The following HRNR variants were observed in gnomAD, a reference collection of about 807,000 sequenced individuals.
The protein encoded by HRNR is filaggrin family member 3.
HRNR carries 7 observed loss-of-function variants against 4.8 expected under a neutral mutation model. The ratio of observed to expected loss-of-function variants is 1.47; its 90% CI spans 0.83 to 2.75. The LOEUF is 2.75. Among genes scored for constraint, HRNR ranks in the 30% most tolerant of loss-of-function variants. The pLI is 0.00. For missense variants in HRNR, 2,879 were observed against 3,010.4 expected (o/e 0.96, Z 1.02); for synonymous variants, 1,023 against 1,242.7 (o/e 0.82, Z 3.72).
In HRNR at chr1:152,213,005, A is replaced by ATGATGGATTGCTTGTCTTTCT; in HGVS notation, c.*70_*71insAGAAAGACAAGCAATCCATCA. ...TTTCATGATGGATTGCTTGTCTTTC[A>ATGATGGATTGCTTGTCTTTCT]TGATGAATTCATAGATGACTTTCCT... is the stretch of plus-strand genomic sequence containing the variant. On this transcript the variant is annotated 3_prime_UTR_variant, in exon 3 of 3. Coordinates refer to ENST00000368801, the MANE Select transcript of HRNR (RefSeq NM_001009931.3). The ATGATGGATTGCTTGTCTTTCT allele has an allele frequency of 6.5e-7, 1 of 1,539,330 alleles. No homozygotes were observed.
chr1:152,219,893 C>T lies in HRNR; in HGVS notation c.1736G>A (p.Gly579Asp), dbSNP rs1258587513. 1.9e-6 allele frequency: 3 copies of T among 1,613,810 alleles called. No individual in the cohort carries two copies. The East Asian group carries it at 6.7e-5, about 36-fold the overall frequency. The change falls in exon 3 of 3, where the codon GGT (glycine) becomes GAT (aspartate). Residue 579 changes from glycine to aspartate, a missense_variant. Around this residue, in one of 8 missense-constraint regions of HRNR, gnomAD observed 2,646 missense variants for 1,377.7 expected, o/e 1.92. Transcript: ENST00000368801. ...TTGGTGACCTAAGCCAGAAGAGTGA[C>T]CGGAGCCAGACTCATATGGGCCACG... The part of the protein sequence containing the change: ...SSRGPYESGS[G>D]HSSGLGHQES...
Position 152,213,248 on chromosome 1 carries a change from T to C in HRNR, c.8381A>G (p.Gln2794Arg), listed in dbSNP as rs1480793761. 1.2e-6 allele frequency: 2 copies of C among 1,606,650 alleles called. No individual in the cohort carries two copies. The highest frequency in any genetic ancestry group is 1.1e-5 in the South Asian group (1 of 90,874). ...SYGQHGSGSGQSSGYSQHGSG... is the reference protein window; with the variant it reads ...SYGQHGSGSGRSSGYSQHGSG... ...TCCATGCTGACTATAACCAGAGGAC[T>C]GTCCTGAGCCAGACCCATGTTGGCC... The change falls in exon 3 of 3, where the codon CAG (glutamine) becomes CGG (arginine). Residue 2794 changes from glutamine (Q) to arginine (R), a missense_variant. Transcript: ENST00000368801.
chr1:152,223,890 C>T (rs1649083645), intron 1 of HRNR, among the ~76,000 whole-genome samples: 1 of 152,212 alleles, frequency 6.6e-6, no homozygotes, highest in South Asian at 2.1e-4. Flanking sequence ...AAGAAGGCAA[C>T]CTGCCTGTGG....
chr1:152,218,944 C>G lies in HRNR; in HGVS notation c.2685G>C (p.Gln895His), dbSNP rs777120775. The stretch of plus-strand genomic sequence containing the variant: ...GAGACTGCCCTGACCCAGACCCACG[C>G]TGGCCGTGGCCTGGAGACTGGCCAG... ...SGSGQSPGHG[Q>H]RGSGSGQSPS... The change falls in exon 3 of 3, where the codon CAG becomes CAC. Residue 895 changes from glutamine (Q) to histidine (H), a missense_variant. Gln to His is a conservative substitution (Grantham distance 24). Around this residue, in one of 8 missense-constraint regions of HRNR, gnomAD observed 2,646 missense variants for 1,377.7 expected, o/e 1.92. Transcript: ENST00000368801. 1.9e-5 allele frequency: 31 copies of G among 1,613,020 alleles called. No homozygotes were observed. The highest frequency in any genetic ancestry group is 2.6e-5 in the Non-Finnish European group (31 of 1,179,736).
rs144896382 is a variant in HRNR at position 152,213,251 on chromosome 1, C to T, written c.8378G>A (p.Gly2793Glu). The T allele has an allele frequency of 5.0e-6, 8 of 1,606,444 alleles. No homozygotes were observed. The highest frequency in any genetic ancestry group is 1.3e-5 in the African/African-American group (1 of 74,454). Residue 2793 changes from glycine (G) to glutamate (E), a missense_variant, in exon 3 of 3, where the codon GGA (glycine) becomes GAA (glutamate). By Grantham distance (98) the Gly-to-Glu change is moderately conservative. This residue lies in a region of HRNR where 158 missense variants were observed against 107.6 expected (regional missense o/e 1.47). Transcript: ENST00000368801. Reference protein sequence around the residue: ...SSYGQHGSGSGQSSGYSQHGS... With the variant: ...SSYGQHGSGSEQSSGYSQHGS... ...ATGCTGACTATAACCAGAGGACTGT[C>T]CTGAGCCAGACCCATGTTGGCCGTA...
Position 152,221,297 on chromosome 1 carries a change from T to C in HRNR, c.332A>G (p.Glu111Gly). The stretch of plus-strand genomic sequence containing the variant: ...CTCCTCTTTTTCAGTTTCTTCTTGT[T>C]CCTCTTGGTGCTGGTGAGTGTCATC... Reference protein sequence around the residue: ...LRDDTHQHQEEQEETEKEENK... With the variant: ...LRDDTHQHQEGQEETEKEENK... The change falls in exon 3 of 3, where the codon GAA becomes GGA. Residue 111 changes from glutamate (E) to glycine (G), a missense_variant. Coordinates refer to ENST00000368801, the MANE Select transcript of HRNR (RefSeq NM_001009931.3). The C allele has an allele frequency of 5.0e-6, 8 of 1,614,010 alleles. No homozygotes were observed. Among genetic ancestry groups the C allele is most frequent in the Non-Finnish European group, 6.8e-6 (8 of 1,180,024 alleles).
At position 152,213,201 on chromosome 1, in the gene HRNR, A is replaced by T; in HGVS notation, c.8428T>A (p.Tyr2810Asn). 6.2e-7 allele frequency: 1 copy of T among 1,614,128 alleles called. No homozygotes were observed. ...TTACTTCCTCCTTTGCAATAAGAAT[A>T]CCCATCTTGCCCTGAGCCACTTCCA... ...QHGSGSGQDG[Y>N]SYCKGGSNHD... The change falls in exon 3 of 3, where the codon TAT becomes AAT. Residue 2810 changes from tyrosine to asparagine, a missense_variant. Tyr to Asn is a moderately radical substitution (Grantham distance 143). This residue lies in a region of HRNR where 158 missense variants were observed against 107.6 expected (regional missense o/e 1.47). Coordinates refer to ENST00000368801, the MANE Select transcript of HRNR (RefSeq NM_001009931.3).
In HRNR at chr1:152,219,487, A is replaced by G. The variant is rs1169309013; in HGVS notation, c.2142T>C (p.Ser714=). 9 of 1,613,588 alleles carry G rather than the reference A, an allele frequency of 5.6e-6. No individual in the cohort carries two copies. Among genetic ancestry groups the G allele is most frequent in the Non-Finnish European group, 7.6e-6 (9 of 1,179,954 alleles). The change falls in exon 3 of 3, where the codon AGT becomes AGC. Residue 714 remains serine, a synonymous_variant. Coordinates refer to ENST00000368801, the MANE Select transcript of HRNR (RefSeq NM_001009931.3). ...AGTGACTTGAGCCAGATCCATGCTGACTGTAACCAGAGGACTGCCCTGAGC... is the reference window on the plus strand; with the variant it reads ...AGTGACTTGAGCCAGATCCATGCTGGCTGTAACCAGAGGACTGCCCTGAGC... ...KSGSGQSSGY[S]QHGSGSSHSS...
At position 152,221,077 on chromosome 1, in the gene HRNR, G is replaced by A. The variant is rs772403277; in HGVS notation, c.552C>T (p.Ser184=). The A allele has an allele frequency of 1.5e-5, 24 of 1,613,060 alleles. No homozygotes were observed. Among genetic ancestry groups the A allele is most frequent in the Admixed American group, 6.7e-5 (4 of 59,934 alleles). ...GQSSSYGEQN[S]DSHQSSGRGQ... is the part of the protein sequence containing the mutation. Reference sequence around the variant, plus strand: ...CGCGGCCTGAAGACTGATGGGAGTCGGAGTTTTGCTCACCATAGCTGGAAG... The same window carrying A: ...CGCGGCCTGAAGACTGATGGGAGTCAGAGTTTTGCTCACCATAGCTGGAAG... Residue 184 remains serine, a synonymous_variant, in exon 3 of 3, where the codon TCC becomes TCT. Transcript: ENST00000368801.
chr1:152,219,159 A>G lies in HRNR; in HGVS notation c.2470T>C (p.Ser824Pro), dbSNP rs1648822875. 6.2e-7 allele frequency: 1 copy of G among 1,613,526 alleles called. No homozygotes were observed. Among genetic ancestry groups the G allele is most frequent in the Non-Finnish European group, 8.5e-7 (1 of 1,179,954 alleles). The change falls in exon 3 of 3, where the codon TCA becomes CCA. Residue 824 changes from serine to proline, a missense_variant. By Grantham distance (74) the Ser-to-Pro change is moderately conservative. Coordinates refer to ENST00000368801, the MANE Select transcript of HRNR (RefSeq NM_001009931.3). The stretch of plus-strand genomic sequence containing the variant: ...CCATGCTGACTATAGCCCTGTCCTG[A>G]GCCAGACTCGTGTTGCCCAAAACCA... The part of the protein sequence containing the change: ...ASGFGQHESG[S>P]GQGYSQHGSA...
Position 152,219,789 on chromosome 1 carries a change from C to G in HRNR, c.1840G>C (p.Gly614Arg), listed in dbSNP as rs1341971421. The change falls in exon 3 of 3, where the codon GGT (glycine) becomes CGT (arginine). Residue 614 changes from glycine to arginine, a missense_variant. Gly to Arg is a moderately radical substitution (Grantham distance 125). Around this residue, in one of 8 missense-constraint regions of HRNR, gnomAD observed 2,646 missense variants for 1,377.7 expected, o/e 1.92. Coordinates refer to ENST00000368801, the MANE Select transcript of HRNR (RefSeq NM_001009931.3). ...SGHSSTHGQH[G>R]STSGQSSSCG... Reference sequence around the variant, plus strand: ...CTCGATGACTGTCCTGATGTAGAACCATGTTGCCCATGGGTAGAGGAATGA... The same window carrying G: ...CTCGATGACTGTCCTGATGTAGAACGATGTTGCCCATGGGTAGAGGAATGA... 2 of 1,612,286 alleles carry G rather than the reference C, an allele frequency of 1.2e-6. No homozygotes were observed. Among genetic ancestry groups the G allele is most frequent in the South Asian group, 1.1e-5 (1 of 91,024 alleles).
Position 152,218,948 on chromosome 1 carries a change from C to A in HRNR, c.2681G>T (p.Gly894Val). 2 of 1,613,900 alleles carry A rather than the reference C, an allele frequency of 1.2e-6. No individual in the cohort carries two copies. The highest frequency in any genetic ancestry group is 8.5e-7 in the Non-Finnish European group (1 of 1,179,966). The change falls in exon 3 of 3, where the codon GGC becomes GTC. Residue 894 changes from glycine to valine, a missense_variant. Gly to Val is a moderately radical substitution (Grantham distance 109, BLOSUM62 -3). Around this residue, in one of 8 missense-constraint regions of HRNR, gnomAD observed 2,646 missense variants for 1,377.7 expected, o/e 1.92. Transcript: ENST00000368801. ...GSGSGQSPGH[G>V]QRGSGSGQSP... ...CTGCCCTGACCCAGACCCACGCTGG[C>A]CGTGGCCTGGAGACTGGCCAGATCC...
At position 152,218,908 on chromosome 1, in the gene HRNR, G is replaced by T. The variant is rs1404768637; in HGVS notation, c.2721C>A (p.Gly907=). The T allele has an allele frequency of 2.5e-6, 4 of 1,613,858 alleles. No individual in the cohort carries two copies. Among genetic ancestry groups the T allele is most frequent in the East Asian group, 2.2e-5 (1 of 44,870 alleles). The change falls in exon 3 of 3, where the codon GGC becomes GGA. Residue 907 remains glycine (G), a synonymous_variant. Transcript: ENST00000368801. The stretch of plus-strand genomic sequence containing the variant: ...ACCGACCGGAGCCAGACCCATGTCG[G>T]CCATAGCTGGGAGACTGCCCTGACC... The part of the protein sequence containing the change: ...GSGSGQSPSY[G]RHGSGSGRSS...
intron 2 of HRNR, 91 bp from the exon 3 acceptor site, chr1:152,221,581 G>T: frequency 9.8e-7 from 1 of 1,020,126 alleles, no homozygotes; most frequent in Non-Finnish European, 1.5e-6. Context: ...AAATGTAAAT[G>T]TTTGGGTTAT....
At position 152,219,068 on chromosome 1, in the gene HRNR, G is replaced by T. The variant is rs758727210; in HGVS notation, c.2561C>A (p.Ser854Tyr). 16 of 1,612,606 alleles carry T rather than the reference G, an allele frequency of 9.9e-6. No homozygotes were observed. The highest frequency in any genetic ancestry group is 1.4e-5 in the Non-Finnish European group (16 of 1,179,648). Residue 854 changes from serine (S) to tyrosine (Y), a missense_variant, in exon 3 of 3, where the codon TCC (serine) becomes TAC (tyrosine). Around this residue, in one of 8 missense-constraint regions of HRNR, gnomAD observed 2,646 missense variants for 1,377.7 expected, o/e 1.92. Transcript: ENST00000368801. ...HGSTSGQSSS[S>Y]GQHDSSSGQS... ...ACCTGAGCTAGAGTCATGTTGGCCG[G>T]AGCTTGATGACTGCCCTGACGTAGA... is the stretch of plus-strand genomic sequence containing the variant.
intron 2 of HRNR, among the ~76,000 whole-genome samples, chr1:152,222,475 T>C (rs1164699423): frequency 6.6e-6 from 1 of 152,116 alleles, no homozygotes; most frequent in Non-Finnish European, 1.5e-5. Flanking sequence ...AAATGGGTTG[T>C]TTTGAGAGAT....
chr1:152,219,560 G>T lies in HRNR; in HGVS notation c.2069C>A (p.Pro690Gln), dbSNP rs536691323. ...AGACTGGCCTGAGACAGACCCATGT[G>T]GGCCATTGCTTGAAGACCAACCGGA... is the stretch of plus-strand genomic sequence containing the variant. ...SGSGWSSSNG[P>Q]HGSVSGQSSG... is the part of the protein sequence containing the mutation. Residue 690 changes from proline to glutamine, a missense_variant, in exon 3 of 3, where the codon CCA (proline) becomes CAA (glutamine). Pro to Gln is a moderately conservative substitution (Grantham distance 76). Transcript: ENST00000368801. 5.7e-5 allele frequency: 92 copies of T among 1,611,396 alleles called. No individual in the cohort carries two copies. Among genetic ancestry groups the T allele is most frequent in the Admixed American group, 5.2e-4 (31 of 59,758 alleles).
chr1:152,222,769 T>G (rs1253907119), intron 2 of HRNR, among the ~76,000 whole-genome samples: 1 of 152,212 alleles, frequency 6.6e-6, no homozygotes, highest in Non-Finnish European at 1.5e-5. Context: ...TTTAAGGTGG[T>G]GGACACATTC....
In HRNR at chr1:152,220,623, C is replaced by G. The variant is rs775911479; in HGVS notation, c.1006G>C (p.Gly336Arg). ...TGGCCTGAGCCAGACTCATAATGGCCACGGCTGTAAGAGTAACTTGAGCCA... is the reference window on the plus strand; with the variant it reads ...TGGCCTGAGCCAGACTCATAATGGCGACGGCTGTAAGAGTAACTTGAGCCA... ...GSGSSYSYSR[G>R]HYESGSGQTS... The change falls in exon 3 of 3, where the codon GGC becomes CGC. Residue 336 changes from glycine to arginine, a missense_variant. This residue lies in a region of HRNR where 2,646 missense variants were observed against 1,377.7 expected (regional missense o/e 1.92). Transcript: ENST00000368801. The G allele has an allele frequency of 6.2e-7, 1 of 1,612,304 alleles. No homozygotes were observed. Among genetic ancestry groups the G allele is most frequent in the Non-Finnish European group, 8.5e-7 (1 of 1,178,940 alleles).
Sources: gnomAD v4.1 joint callset for allele counts (sites outside exome capture counted in the v4.1 genomes callset) on GRCh38, gnomAD v4.1.1 for gene constraint, gnomAD v4.1.1 regional missense constraint, MANE v1.5 for transcripts, NCBI Gene and HGNC (gene_info 2026-07-23, HGNC 2026-07-21) for gene names.